ARHGAP26: variants seen among roughly 807,000 people sequenced by gnomAD.
ARHGAP26 encodes the protein rho GTPase-activating protein 26.
In ARHGAP26, 38 loss-of-function variants were observed where a neutral mutation model predicts 104.8. That is an observed-to-expected ratio of 0.36 (90% CI 0.28 to 0.48). ARHGAP26 has a LOEUF of 0.48. ARHGAP26 is among the 20% of genes least tolerant of loss of function. The pLI is 0.99. For synonymous variants in ARHGAP26, 341 were observed against 340.0 expected, an observed-to-expected ratio of 1.00 and a Z score of -0.03; for missense variants, 704 against 947.9, an observed-to-expected ratio of 0.74 and a Z score of 3.38.
rs915029705 is a variant in ARHGAP26 at position 142,771,243 on chromosome 5, C to T, written c.154+328C>T. On this transcript the variant is annotated intron_variant, in intron 1 of 22. Coordinates refer to ENST00000645722, the MANE Select transcript of ARHGAP26 (RefSeq NM_001135608.3). Reference sequence around the variant, plus strand: ...AGTGGGGCCAGAGTGCCGAGCGCGCCGCAGCCAGCGGGCAGATCCCATCGT... The same window carrying T: ...AGTGGGGCCAGAGTGCCGAGCGCGCTGCAGCCAGCGGGCAGATCCCATCGT... The T allele has an allele frequency of 8.0e-6, 10 of 1,251,464 alleles. No homozygotes were observed. In the African/African-American group the frequency reaches 1.1e-4, roughly 14 times the overall value. The allele number at this position is 1,251,464 out of a possible 1,614,324, so 77.5% of individuals were successfully genotyped here.
intron 18 of ARHGAP26, among the ~76,000 whole-genome samples, chr5:143,132,625 G>T (rs995692747): frequency 1.3e-5 from 2 of 152,080 alleles, no homozygotes; most frequent in African/African-American, 4.8e-5. Flanking sequence ...ATGATGAAAA[G>T]TGTGTGTTAA....
intron 9 of ARHGAP26, among the ~76,000 whole-genome samples, chr5:142,910,836 A>T (rs1761735371): frequency 6.6e-6 from 1 of 152,228 alleles, no homozygotes; most frequent in Non-Finnish European, 1.5e-5. Flanking sequence ...TACTGGGATT[A>T]CCAGTGTTTT....
At chr5:143,217,546 T>C (rs1810523971) in intron 22 of ARHGAP26, among the ~76,000 whole-genome samples, 1 of 152,194 alleles carries the variant, frequency 6.6e-6, no homozygotes. Flanking sequence ...TAATAAGATT[T>C]GAGAGGAGCT....
intron 20 of ARHGAP26, among the ~76,000 whole-genome samples, chr5:143,190,833 T>C (rs59900779): frequency 0.12 from 18,785 of 152,260 alleles, 1,414 homozygotes; most frequent in Non-Finnish European, 0.16. Context: ...ATGGTGTCCA[T>C]AGAATGGAAT....
chr5:142,986,296 A>G (rs1774715390), intron 11 of ARHGAP26, among the ~76,000 whole-genome samples: 2 of 152,158 alleles, frequency 1.3e-5, no homozygotes, highest in African/African-American at 4.8e-5. Flanking sequence ...TTGGCTGCAT[A>G]AATGTCTTCT....
intron 1 of ARHGAP26, among the ~76,000 whole-genome samples, chr5:142,810,017 T>C (rs141011174): frequency 1.3e-3 from 195 of 152,290 alleles, no homozygotes; most frequent in Non-Finnish European, 2.1e-3. Flanking sequence ...AAAGTGTTTA[T>C]CTCTCCCTGG....
intron 6 of ARHGAP26, among the ~76,000 whole-genome samples, chr5:142,899,566 C>G (rs1759981310): frequency 6.6e-6 from 1 of 152,158 alleles, no homozygotes; most frequent in South Asian, 2.1e-4. Flanking sequence ...GGGACTGCAG[C>G]AAGCTCTTCC....
intron 20 of ARHGAP26, among the ~76,000 whole-genome samples, chr5:143,158,044 G>A (rs1220176063): frequency 1.3e-5 from 2 of 152,194 alleles, no homozygotes; most frequent in Non-Finnish European, 2.9e-5. Context: ...CTCGTTCAGA[G>A]TATCAATCAA....
At chr5:143,158,196 T>A (rs1433348670) in intron 20 of ARHGAP26, among the ~76,000 whole-genome samples, 1 of 152,240 alleles carries the variant, frequency 6.6e-6, no homozygotes, top group Non-Finnish European at 1.5e-5. Flanking sequence ...ACTCAATGTT[T>A]ACTTTTGTTT....
Position 143,038,684 on chromosome 5 carries a change from C to CTTTTT in ARHGAP26, c.1210+1449_1210+1453dup, listed in dbSNP as rs60428049. 4.3e-4 allele frequency among the ~76,000 whole-genome samples: 28 copies of CTTTTT among 64,436 alleles called. 3 individuals are homozygous for CTTTTT. Among genetic ancestry groups the CTTTTT allele is most frequent in the East Asian group, 1.9e-3 (3 of 1,582 alleles). 42.3% of individuals were successfully genotyped at this position (64,436 alleles called of 152,430 possible). ...GGAAATACATTTTTTGACATACGGC[C>CTTTTT]TTTTTTTTTTTTTTTTTTTTTTTTT... On this transcript the variant is annotated intron_variant, in intron 13 of 22. Coordinates refer to ENST00000645722, the MANE Select transcript of ARHGAP26 (RefSeq NM_001135608.3).
At chr5:142,970,889 GA>G (rs1344512878) in intron 11 of ARHGAP26, among the ~76,000 whole-genome samples, 2 of 152,206 alleles carry the variant, frequency 1.3e-5, no homozygotes, top group African/African-American at 4.8e-5. Flanking sequence ...AGTTTCTAAT[GA>G]ATGAGTCAAT....
chr5:142,789,044 C>G (rs60337511), intron 1 of ARHGAP26, among the ~76,000 whole-genome samples: 54 of 152,208 alleles, frequency 3.5e-4, no homozygotes, highest in East Asian at 1.2e-3. Flanking sequence ...TAATGCCAAC[C>G]CTTTTGCGTG....
In ARHGAP26 at chr5:142,885,490, A is replaced by G. The variant is rs554147322; in HGVS notation, c.486+91A>G. 2.2e-5 allele frequency: 24 copies of G among 1,105,140 alleles called. No individual in the cohort carries two copies. The African/African-American group carries it at 3.6e-4, about 17-fold the overall frequency. The allele number at this position is 1,105,140 out of a possible 1,614,324, so 68.5% of individuals were successfully genotyped here. A position where few individuals can be genotyped will look rare whatever the true frequency, so the allele number is the denominator to read the frequency against. ...TGGTTGCTCTTTGCTAGAAAATCTT[A>G]GGGTTAGAAGGGACCTGGGAAGCCA... On this transcript the variant is annotated intron_variant, in intron 5 of 22. Transcript: ENST00000645722.
intron 17 of ARHGAP26, among the ~76,000 whole-genome samples, chr5:143,114,742 T>C (rs1795204716): frequency 6.6e-6 from 1 of 152,190 alleles, no homozygotes; most frequent in South Asian, 2.1e-4. Flanking sequence ...ATCCAGCCCC[T>C]AGTCCTAAGG....
intron 11 of ARHGAP26, among the ~76,000 whole-genome samples, chr5:142,949,099 C>T (rs534944921): frequency 8.5e-5 from 12 of 140,362 alleles, no homozygotes; most frequent in African/African-American, 2.4e-4. Flanking sequence ...AGTGAGACTC[C>T]GTCTCAAAAA....
At chr5:143,220,607 C>G (rs1811011060) in intron 22 of ARHGAP26, among the ~76,000 whole-genome samples, 1 of 152,154 alleles carries the variant, frequency 6.6e-6, no homozygotes, top group Non-Finnish European at 1.5e-5. Context: ...ATTGGAGAGG[C>G]CAGGTTGCTT....
rs143591758 is a variant in ARHGAP26, at chr5:142,855,612, A to G, written c.155-17788A>G. Among the ~76,000 whole-genome samples the G allele has an allele frequency of 2.2e-3, 334 of 152,200 alleles. 1 individual carries two copies. Among genetic ancestry groups the G allele is most frequent in the African/African-American group, 7.7e-3 (318 of 41,528 alleles). On this transcript the variant is annotated intron_variant, in intron 1 of 22. Coordinates refer to ENST00000645722, the MANE Select transcript of ARHGAP26 (RefSeq NM_001135608.3). ...GGCTGCCCGTTATGTACTAGACACT[A>G]TTCCTTCCTTCTATCCATCCTCAGT...
At chr5:142,787,938 AT>A (rs1275163956) in intron 1 of ARHGAP26, among the ~76,000 whole-genome samples, 1 of 148,020 alleles carries the variant, frequency 6.8e-6, no homozygotes, top group Non-Finnish European at 1.5e-5. Flanking sequence ...CTGGTGACCT[AT>A]TTTTGGATGG....
intron 11 of ARHGAP26, among the ~76,000 whole-genome samples, chr5:142,990,629 A>G (rs1775446594): frequency 6.6e-6 from 1 of 152,216 alleles, no homozygotes; most frequent in Admixed American, 6.5e-5. Context: ...GGTGACGTAC[A>G]GATGGGGTTT....
Sources: allele counts gnomAD v4.1 joint callset (sites outside exome capture counted in the v4.1 genomes callset), GRCh38; gene constraint gnomAD v4.1.1; transcripts MANE v1.5; gene names NCBI Gene and HGNC (gene_info 2026-07-23, HGNC 2026-07-21).